SGCD: variants seen among roughly 807,000 people sequenced by gnomAD.
The protein encoded by SGCD is delta-sarcoglycan.
Under a neutral mutation model 36.6 loss-of-function variants are expected in SGCD, and 18 were observed. That is an observed-to-expected ratio of 0.49 (90% CI 0.34 to 0.73). The LOEUF (loss-of-function observed/expected upper bound fraction) is 0.73. Ranked by LOEUF, SGCD falls within the 30% of genes least tolerant of loss-of-function variation. SGCD has a pLI of 0.01. For missense variants in SGCD, 387 were observed against 346.7 expected (o/e 1.12, Z -0.92); for synonymous variants, 133 against 130.6 (o/e 1.02, Z -0.12).
chr5:155,832,684 T>C, the SGCD span, among the ~76,000 whole-genome samples: 1 of 152,110 alleles, frequency 6.6e-6, no homozygotes, highest in African/African-American at 2.4e-5. Flanking sequence ...AAATCACACA[T>C]TGAAGATATA....
intron 3 of SGCD, among the ~76,000 whole-genome samples, chr5:156,227,203 C>T (rs1764882611): frequency 6.6e-6 from 1 of 151,968 alleles, no homozygotes; most frequent in Admixed American, 6.6e-5. Context: ...TTTTCCAATG[C>T]TATCTTCTAG....
At chr5:156,103,053 A>G (rs574007115) in intron 1 of SGCD, among the ~76,000 whole-genome samples, 6 of 152,290 alleles carry the variant, frequency 3.9e-5, no homozygotes, top group South Asian at 2.1e-4. Context: ...ATAATTTGCT[A>G]TAAGGTTTTT....
rs190968280 is a variant in SGCD, at chr5:156,072,643, T to C, written c.-281-45235T>C. Among the ~76,000 whole-genome samples, 93 of 152,284 alleles carry C rather than the reference T, an allele frequency of 6.1e-4. 1 individual carries two copies. The highest frequency in any genetic ancestry group is 5.4e-3 in the South Asian group (26 of 4,820). On this transcript the variant is annotated intron_variant, in intron 1 of 9. Coordinates refer to the SGCD transcript ENST00000517913. ...TTCTTCTTGAGGAGTATCTTTGTGGTGTTCTCTGTATTTCCTGAATCTGAA... is the reference window on the plus strand; with the variant it reads ...TTCTTCTTGAGGAGTATCTTTGTGGCGTTCTCTGTATTTCCTGAATCTGAA...
At chr5:155,905,564 C>A (rs902653042) in intron 1 of SGCD, among the ~76,000 whole-genome samples, 14 of 152,080 alleles carry the variant, frequency 9.2e-5, no homozygotes, top group Admixed American at 6.6e-4. Context: ...GCATTACTGG[C>A]ATACCTCATT....
chr5:156,293,661 C>T (rs946531361), intron 3 of SGCD, among the ~76,000 whole-genome samples: 2 of 151,882 alleles, frequency 1.3e-5, no homozygotes, highest in Admixed American at 6.6e-5. Context: ...TATTTTATTC[C>T]GTTGGTCTAT....
rs191787589 is a variant in SGCD, at chr5:156,507,063, C to T, written c.193-1538C>T. On this transcript the variant is annotated intron_variant, in intron 3 of 8. Coordinates refer to ENST00000337851, the MANE Select transcript of SGCD (RefSeq NM_000337.6). ...CTCCCATGAAGTAAGTAAAAAATTG[C>T]GCCTCACTCCACCTCAAAGATGTTC... Among the ~76,000 whole-genome samples the T allele has an allele frequency of 1.1e-4, 16 of 152,228 alleles. No individual in the cohort carries two copies. The East Asian group carries it at 2.1e-3, about 20-fold the overall frequency.
chr5:156,018,079 G>C (rs530771547), intron 1 of SGCD, among the ~76,000 whole-genome samples: 2 of 152,132 alleles, frequency 1.3e-5, no homozygotes, highest in Non-Finnish European at 2.9e-5. Flanking sequence ...AGGATTGCTT[G>C]AGCCTAGGAG....
chr5:156,028,525 G>A (rs78882754), intron 1 of SGCD, among the ~76,000 whole-genome samples: 7,753 of 152,108 alleles, frequency 0.051, 281 homozygotes, highest in Middle Eastern at 0.12. Flanking sequence ...GATGAAATTA[G>A]CTATCTTAAT....
rs141413825 is a variant in SGCD, at chr5:156,406,568, A to G, written c.192+61891A>G. On this transcript the variant is annotated intron_variant, in intron 3 of 8. Transcript: ENST00000337851. The stretch of plus-strand genomic sequence containing the variant: ...CAATCCGTTCAAGTTTCACCTCCAC[A>G]CAGCCTTCCCTGACCTTCCCCAGGA... Among the ~76,000 whole-genome samples the G allele has an allele frequency of 8.6e-5, 13 of 151,826 alleles. No individual in the cohort carries two copies. In the South Asian group the frequency reaches 1.0e-3, roughly 12 times the overall value.
At chr5:156,134,172 A>G (rs1762397773) in intron 3 of SGCD, among the ~76,000 whole-genome samples, 1 of 151,898 alleles carries the variant, frequency 6.6e-6, no homozygotes, top group African/African-American at 2.4e-5. Context: ...CTCTTGGTCC[A>G]TTTCTTTTCA....
chr5:155,948,957 C>T (rs778566716), intron 1 of SGCD, among the ~76,000 whole-genome samples: 19 of 152,012 alleles, frequency 1.2e-4, no homozygotes, highest in Non-Finnish European at 2.6e-4. Context: ...GAAGTGACCA[C>T]GAGTTTTAAA....
At chr5:155,730,445 C>CTGTGTGTGTGTGTGTGTG in the SGCD span, among the ~76,000 whole-genome samples, 15,368 of 137,028 alleles carry the variant, frequency 0.11, 1,042 homozygotes, top group East Asian at 0.14. Flanking sequence ...GGTAGAGCAG[C>CTGTGTGTGTGTGTGTGTG]TGTGTGTGTG....
At chr5:156,236,960 A>G (rs1236418317) in intron 3 of SGCD, among the ~76,000 whole-genome samples, 3 of 151,658 alleles carry the variant, frequency 2.0e-5, no homozygotes, top group African/African-American at 4.8e-5. Flanking sequence ...CAGCCTCCCT[A>G]GTACCTGGGA....
At chr5:156,510,674 T>C (rs1756889171) in intron 4 of SGCD, among the ~76,000 whole-genome samples, 1 of 152,186 alleles carries the variant, frequency 6.6e-6, no homozygotes, top group African/African-American at 2.4e-5. Context: ...CATACAAAAA[T>C]AGGCCACAGG....
intron 2 of SGCD, among the ~76,000 whole-genome samples, chr5:156,337,304 C>A (rs1366152024): frequency 2.6e-5 from 4 of 152,116 alleles, no homozygotes; most frequent in African/African-American, 7.2e-5. Context: ...CTTTTAAATT[C>A]ACCCAATTTT....
intron 1 of SGCD, among the ~76,000 whole-genome samples, chr5:155,983,960 G>A (rs17053102): frequency 0.096 from 14,560 of 152,108 alleles, 887 homozygotes; most frequent in East Asian, 0.24. Context: ...TGCATCCGTG[G>A]ATGAAAATTT....
intron 4 of SGCD, among the ~76,000 whole-genome samples, chr5:156,516,948 A>C (rs1472307533): frequency 2.6e-5 from 4 of 152,130 alleles, no homozygotes. Context: ...CAGTCAGCCG[A>C]GCTCACACCA....
At chr5:156,423,376 TTATAA>T (rs1189825662) in intron 3 of SGCD, among the ~76,000 whole-genome samples, 82 of 83,564 alleles carry the variant, frequency 9.8e-4, no homozygotes, top group South Asian at 7.0e-3. Context: ...TTATATTTTA[TTATAA>T]TATAATATAT....
the SGCD span, among the ~76,000 whole-genome samples, chr5:155,776,866 C>G: frequency 2.0e-5 from 3 of 152,092 alleles, no homozygotes; most frequent in Admixed American, 6.6e-5. Flanking sequence ...AAAATCACCA[C>G]ATTATGCAAA....
Sources: gnomAD v4.1 joint callset for allele counts (sites outside exome capture counted in the v4.1 genomes callset) on GRCh38, gnomAD v4.1.1 for gene constraint, MANE v1.5 for transcripts, NCBI Gene and HGNC (gene_info 2026-07-23, HGNC 2026-07-21) for gene names.